The following GLI3 variants were observed in gnomAD, a reference collection of about 807,000 sequenced individuals.
GLI3 encodes the protein GLI family zinc finger 3, also known as transcription activator GLI3.
GLI3 carries 20 observed loss-of-function variants against 100.8 expected under a neutral mutation model. The observed-to-expected ratio is 0.20, with a 90% CI of 0.14 to 0.29. The LOEUF is 0.29. GLI3 is among the 10% of genes least tolerant of loss of function. The pLI is 1.00. For synonymous variants in GLI3, 938 were observed against 860.5 expected, an observed-to-expected ratio of 1.09 and a Z score of -1.58; for missense variants, 2,040 against 2,128.5, an observed-to-expected ratio of 0.96 and a Z score of 0.82.
intron 3 of GLI3, among the ~76,000 whole-genome samples, chr7:42,125,257 A>C (rs1468929269): frequency 6.6e-6 from 1 of 152,182 alleles, no homozygotes; most frequent in Non-Finnish European, 1.5e-5. Context: ...GGTGGCGCCA[A>C]GGTCCCTGTC....
At chr7:42,027,414 G>A (rs888966164) in intron 7 of GLI3, among the ~76,000 whole-genome samples, 9 of 152,168 alleles carry the variant, frequency 5.9e-5, no homozygotes, top group Non-Finnish European at 8.8e-5. Context: ...GTCCTGCTGT[G>A]TAATACCCAG....
intron 2 of GLI3, among the ~76,000 whole-genome samples, chr7:42,154,322 C>A (rs1028557015): frequency 6.6e-6 from 1 of 152,124 alleles, no homozygotes; most frequent in African/African-American, 2.4e-5. Flanking sequence ...GCACTGCACA[C>A]CCTCTCCACC....
intron 10 of GLI3, among the ~76,000 whole-genome samples, chr7:42,000,168 G>C (rs1346359831): frequency 6.6e-6 from 1 of 152,210 alleles, no homozygotes; most frequent in Non-Finnish European, 1.5e-5. Context: ...TGTATACTGT[G>C]TTTGCTTATG....
At chr7:42,240,444 C>T (rs564680998), upstream of GLI3, among the ~76,000 whole-genome samples, 1 of 152,178 alleles carries the variant, frequency 6.6e-6, no homozygotes, top group East Asian at 1.9e-4. Flanking sequence ...GGCTTGAAGT[C>T]CAAAAGTAAG....
intron 2 of GLI3, among the ~76,000 whole-genome samples, chr7:42,161,794 T>C (rs992234462): frequency 6.6e-6 from 1 of 152,214 alleles, no homozygotes; most frequent in African/African-American, 2.4e-5. Flanking sequence ...TGAGAGTTCC[T>C]CTTCCCACAT....
intron 1 of GLI3, among the ~76,000 whole-genome samples, chr7:42,231,433 A>C (rs1788694503): frequency 6.6e-6 from 1 of 152,252 alleles, no homozygotes; most frequent in Non-Finnish European, 1.5e-5. Context: ...GCTTGTTCAC[A>C]GACAGAATTC....
intron 2 of GLI3, among the ~76,000 whole-genome samples, chr7:42,203,788 C>T (rs866694904): frequency 2.6e-5 from 4 of 152,046 alleles, no homozygotes; most frequent in Admixed American, 1.3e-4. Context: ...CATTTGAGAC[C>T]AGGAGTTTGA....
intron 2 of GLI3, among the ~76,000 whole-genome samples, chr7:42,169,638 C>A (rs1231526508): frequency 6.6e-6 from 1 of 151,986 alleles, no homozygotes; most frequent in African/African-American, 2.4e-5. Flanking sequence ...AATTCAGGTT[C>A]TATGCAAAGA....
At chr7:42,169,968 A>C (rs1465763407) in intron 2 of GLI3, among the ~76,000 whole-genome samples, 5 of 152,030 alleles carry the variant, frequency 3.3e-5, no homozygotes, top group Admixed American at 3.3e-4. Flanking sequence ...AATTAAAAAA[A>C]AAAATCAGGC....
chr7:42,139,542 G>T (rs1204510300), intron 3 of GLI3, among the ~76,000 whole-genome samples: 3 of 152,120 alleles, frequency 2.0e-5, no homozygotes, highest in Non-Finnish European at 4.4e-5. Context: ...AGCGTGGCAT[G>T]GTGGCACATG....
At chr7:42,111,330 G>C (rs981074737) in intron 3 of GLI3, among the ~76,000 whole-genome samples, 1 of 152,186 alleles carries the variant, frequency 6.6e-6, no homozygotes, top group Non-Finnish European at 1.5e-5. Context: ...CAGTGTGAGA[G>C]TGTTCTCATA....
At chr7:42,091,568 C>A (rs890788956) in intron 3 of GLI3, among the ~76,000 whole-genome samples, 1 of 152,240 alleles carries the variant, frequency 6.6e-6, no homozygotes, top group Non-Finnish European at 1.5e-5. Flanking sequence ...GCCTGCTGTC[C>A]TGAGGGCTAA....
intron 4 of GLI3, among the ~76,000 whole-genome samples, chr7:42,054,312 C>T (rs1484143161): frequency 6.6e-6 from 1 of 152,144 alleles, no homozygotes; most frequent in Non-Finnish European, 1.5e-5. Context: ...GCCTTTTCAT[C>T]TATCTTACTA....
At chr7:42,196,660 G>A (rs1787933628) in intron 2 of GLI3, among the ~76,000 whole-genome samples, 1 of 152,172 alleles carries the variant, frequency 6.6e-6, no homozygotes, top group African/African-American at 2.4e-5. Flanking sequence ...AGACAACACT[G>A]CTTCTGACAT....
At chr7:42,069,286 A>G (rs1416806092) in intron 4 of GLI3, among the ~76,000 whole-genome samples, 1 of 152,212 alleles carries the variant, frequency 6.6e-6, no homozygotes, top group Non-Finnish European at 1.5e-5. Flanking sequence ...AGAAAGGAGT[A>G]TACACCCTTT....
intron 3 of GLI3, among the ~76,000 whole-genome samples, chr7:42,122,567 A>G (rs1263879681): frequency 6.6e-6 from 1 of 152,202 alleles, no homozygotes; most frequent in Non-Finnish European, 1.5e-5. Context: ...GGTGTCAGGA[A>G]GGAAGCTGAG....
At position 42,236,957 on chromosome 7, in the gene GLI3, C is replaced by A. The variant is rs1328071240; in HGVS notation, c.-43+14G>T. On this transcript the variant is annotated intron_variant, in intron 1 of 14. Transcript: ENST00000395925. ...GCGGGGTCCGCGAAACAAAGAACTT[C>A]GAGCGGGACGTACCTGCGGCGGCAG... The A allele has an allele frequency of 6.6e-6, 1 of 151,944 alleles. No homozygotes were observed. The highest frequency in any genetic ancestry group is 2.4e-5 in the African/African-American group (1 of 41,424). The allele number at this position is 151,944 out of a possible 1,614,324, so 9.4% of individuals were successfully genotyped here. A position where few individuals can be genotyped will look rare whatever the true frequency, so the allele number is the denominator to read the frequency against.
intron 1 of GLI3, among the ~76,000 whole-genome samples, chr7:42,262,225 T>TTCCTTCCTTCCTTCCTTCCTTCC (rs1789151410): frequency 8.4e-6 from 1 of 118,698 alleles, no homozygotes; most frequent in African/African-American, 3.4e-5. Context: ...TCCTTCCTTC[T>TTCCTTCCTTCCTTCCTTCCTTCC]TTCCTTCCTT....
chr7:42,257,525 T>C (rs939990348), intron 1 of GLI3, among the ~76,000 whole-genome samples: 17 of 152,220 alleles, frequency 1.1e-4, no homozygotes, highest in African/African-American at 3.9e-4. Context: ...CTTGTATTTT[T>C]AGTAGAGATG....
Sources: allele counts gnomAD v4.1 joint callset (sites outside exome capture counted in the v4.1 genomes callset), GRCh38; gene constraint gnomAD v4.1.1; transcripts MANE v1.5; gene names NCBI Gene and HGNC (gene_info 2026-07-23, HGNC 2026-07-21).